DNAH11: variants seen among roughly 807,000 people sequenced by gnomAD.
DNAH11 encodes dynein axonemal heavy chain 11, also known as axonemal beta dynein heavy chain 11.
DNAH11 carries 442 observed loss-of-function variants against 526.0 expected under a neutral mutation model. The observed-to-expected ratio is 0.84, with a 90% CI of 0.78 to 0.91. DNAH11 has a LOEUF of 0.91. Among genes scored for constraint, DNAH11 ranks in the 40% least tolerant of loss-of-function variants. The pLI is 0.00. For missense variants in DNAH11, 6,989 were observed against 5,448.7 expected (o/e 1.28, Z -8.90); for synonymous variants, 2,461 against 1,935.9 (o/e 1.27, Z -7.12).
chr7:21,621,147 TC>T (rs1786033906), intron 25 of DNAH11, among the ~76,000 whole-genome samples: 1 of 152,082 alleles, frequency 6.6e-6, no homozygotes, highest in South Asian at 2.1e-4. Context: ...CACACTGACT[TC>T]CACAAGAGTT....
At position 21,872,123 on chromosome 7, in the gene DNAH11, CAAAAAA is replaced by C. The variant is rs776718319; in HGVS notation, c.11968-1130_11968-1125del. Among the ~76,000 whole-genome samples, 154 of 30,830 alleles carry C rather than the reference CAAAAAA, an allele frequency of 5.0e-3. 1 individual carries two copies. The highest frequency in any genetic ancestry group is 0.017 in the African/African-American group (136 of 7,956). The allele number at this position is 30,830 out of a possible 152,430, so 20.2% of individuals were successfully genotyped here. On this transcript the variant is annotated intron_variant, in intron 73 of 81. Transcript: ENST00000409508. The stretch of plus-strand genomic sequence containing the variant: ...TGGGTGACAGAGCGAGACTCTGTCT[CAAAAAA>C]AAAAAAAAAAAAAAAAAAAACCTTC...
intron 44 of DNAH11, among the ~76,000 whole-genome samples, chr7:21,722,162 C>T (rs1447714400): frequency 6.6e-6 from 1 of 152,170 alleles, no homozygotes; most frequent in Non-Finnish European, 1.5e-5. Flanking sequence ...CTCATGTGAT[C>T]TTTACAATGG....
At chr7:21,888,598 T>G (rs1784216268) in intron 76 of DNAH11, among the ~76,000 whole-genome samples, 2 of 152,118 alleles carry the variant, frequency 1.3e-5, no homozygotes, top group Non-Finnish European at 2.9e-5. Flanking sequence ...CAAGTCATTC[T>G]CCTGTCTCAG....
At chr7:21,719,834 C>T (rs1392007264) in intron 43 of DNAH11, among the ~76,000 whole-genome samples, 1 of 152,144 alleles carries the variant, frequency 6.6e-6, no homozygotes, top group East Asian at 1.9e-4. Flanking sequence ...TCTATCGTTG[C>T]CTGCAAAAAC....
At chr7:21,768,867 A>G (rs1277563603) in intron 55 of DNAH11, among the ~76,000 whole-genome samples, 1 of 152,238 alleles carries the variant, frequency 6.6e-6, no homozygotes, top group Non-Finnish European at 1.5e-5. Flanking sequence ...AGTGATAGCT[A>G]TCTTAGCAGA....
chr7:21,642,507 G>A (rs1006911855), intron 28 of DNAH11, among the ~76,000 whole-genome samples: 6 of 152,108 alleles, frequency 3.9e-5, no homozygotes, highest in Admixed American at 3.3e-4. Context: ...ATTAGAGTCA[G>A]TTTCAAACCA....
At chr7:21,649,177 C>T (rs570079733) in intron 28 of DNAH11, among the ~76,000 whole-genome samples, 34 of 152,304 alleles carry the variant, frequency 2.2e-4, no homozygotes, top group African/African-American at 7.9e-4. Context: ...TGGGAATGTT[C>T]ATATCTAGCC....
chr7:21,666,805 C>T (rs1311153099), intron 30 of DNAH11, among the ~76,000 whole-genome samples: 1 of 150,856 alleles, frequency 6.6e-6, no homozygotes, highest in Admixed American at 6.6e-5. Context: ...TAGCCTTATA[C>T]TTTATAATCT....
chr7:21,589,314 G>A lies in DNAH11; in HGVS notation c.2080G>A (p.Val694Met), dbSNP rs1369744262. Residue 694 changes from valine (V) to methionine (M), a missense_variant, in exon 12 of 82, where the codon GTG becomes ATG. By Grantham distance (21) the Val-to-Met change is conservative (BLOSUM62 1). Transcript: ENST00000409508. The stretch of plus-strand genomic sequence containing the variant: ...TATCTATAATGAATGGAAAAGTAAT[G>A]TGGATGAAATCTGTGAATTCAATTT... ...SRIYNEWKSN[V>M]DEICEFNLNQ... The A allele has an allele frequency of 6.2e-7, 1 of 1,611,252 alleles. No homozygotes were observed. The highest frequency in any genetic ancestry group is 1.1e-5 in the South Asian group (1 of 90,548).
In DNAH11 at chr7:21,674,885, A is replaced by T. The variant is rs112336318; in HGVS notation, c.5329-6661A>T. On this transcript the variant is annotated intron_variant, in intron 30 of 81. Transcript: ENST00000409508. Reference sequence around the variant, plus strand: ...AAAAAAAAGAACAAAAAACCAACATACTTCACTAGTTGCTCACACTAGAAG... The same window carrying T: ...AAAAAAAAGAACAAAAAACCAACATTCTTCACTAGTTGCTCACACTAGAAG... Among the ~76,000 whole-genome samples the T allele has an allele frequency of 9.7e-3, 1,468 of 152,050 alleles. 26 individuals carry two copies. The highest frequency in any genetic ancestry group is 0.033 in the African/African-American group (1,379 of 41,462).
At chr7:21,874,041 T>A (rs1460626346) in intron 74 of DNAH11, among the ~76,000 whole-genome samples, 1 of 152,012 alleles carries the variant, frequency 6.6e-6, no homozygotes, top group Non-Finnish European at 1.5e-5. Context: ...TCCACCTGCC[T>A]CGGCCTCCCA....
At chr7:21,860,384 G>A (rs1268599620) in intron 68 of DNAH11, among the ~76,000 whole-genome samples, 1 of 152,066 alleles carries the variant, frequency 6.6e-6, no homozygotes, top group Non-Finnish European at 1.5e-5. Flanking sequence ...AAACAGTGTA[G>A]CAATTCCTCA....
intron 30 of DNAH11, among the ~76,000 whole-genome samples, chr7:21,673,810 A>G (rs985851064): frequency 2.6e-5 from 4 of 152,032 alleles, no homozygotes; most frequent in Non-Finnish European, 4.4e-5. Flanking sequence ...TCTCATCACC[A>G]CAACCTATTT....
intron 74 of DNAH11, among the ~76,000 whole-genome samples, chr7:21,880,360 A>G (rs1583806383): frequency 6.6e-6 from 1 of 152,186 alleles, no homozygotes; most frequent in African/African-American, 2.4e-5. Flanking sequence ...TGAAATGAAG[A>G]TGATGGCTTT....
intron 79 of DNAH11, among the ~76,000 whole-genome samples, chr7:21,897,620 A>G (rs1406818246): frequency 2.3e-5 from 1 of 43,656 alleles, no homozygotes; most frequent in Non-Finnish European, 1.2e-4. Context: ...ATTTTCTAGA[A>G]TTACACTTTT....
chr7:21,708,064 C>T (rs535778111), intron 40 of DNAH11, among the ~76,000 whole-genome samples: 9 of 152,214 alleles, frequency 5.9e-5, no homozygotes, highest in East Asian at 3.9e-4. Context: ...TATTTTATCC[C>T]ACGTCAATTA....
chr7:21,627,519 AT>A (rs1786395402), intron 25 of DNAH11, among the ~76,000 whole-genome samples: 1 of 152,172 alleles, frequency 6.6e-6, no homozygotes, highest in African/African-American at 2.4e-5. Context: ...TCCCAGTACC[AT>A]TTATTGAAAA....
At chr7:21,624,803 G>A (rs1050196144) in intron 25 of DNAH11, among the ~76,000 whole-genome samples, 6 of 152,048 alleles carry the variant, frequency 3.9e-5, no homozygotes, top group African/African-American at 1.4e-4. Flanking sequence ...ATATTCAGAT[G>A]TTCATATCAT....
At chr7:21,593,248 C>G (rs560978395) in intron 14 of DNAH11, among the ~76,000 whole-genome samples, 37 of 152,220 alleles carry the variant, frequency 2.4e-4, no homozygotes, top group African/African-American at 8.7e-4. Context: ...GACGTAGGAC[C>G]TGAAAATAAA....
Sources: allele counts gnomAD v4.1 joint callset (sites outside exome capture counted in the v4.1 genomes callset), GRCh38; gene constraint gnomAD v4.1.1; transcripts MANE v1.5; gene names NCBI Gene and HGNC (gene_info 2026-07-23, HGNC 2026-07-21).